Variants in KDELR1 observed in about 807,000 individuals in gnomAD.
KDELR1 encodes the protein KDEL endoplasmic reticulum protein retention receptor 1, also known as ER lumen protein-retaining receptor 1.
In KDELR1, 16 loss-of-function variants were observed where a neutral mutation model predicts 25.5. The ratio of observed to expected loss-of-function variants is 0.63; its 90% CI spans 0.43 to 0.95. The LOEUF (loss-of-function observed/expected upper bound fraction) is 0.95, where lower values mean the gene tolerates loss of function less well. KDELR1 is among the 40% of genes least tolerant of loss of function. KDELR1 has a pLI of 0.00. For missense variants in KDELR1, 159 were observed against 265.2 expected (o/e 0.60, Z 2.78); for synonymous variants, 121 against 115.0 (o/e 1.05, Z -0.33).
upstream of KDELR1, among the ~76,000 whole-genome samples, chr19:48,391,938 C>G (rs1468808379): frequency 6.6e-6 from 1 of 152,134 alleles, no homozygotes; most frequent in Non-Finnish European, 1.5e-5. Context: ...CCTACTTCCT[C>G]CCCTAGACCC....
upstream of KDELR1, among the ~76,000 whole-genome samples, chr19:48,391,910 G>C (rs1355087083): frequency 1.3e-5 from 2 of 152,104 alleles, no homozygotes; most frequent in Non-Finnish European, 2.9e-5. Flanking sequence ...TCCCCCAGAA[G>C]ACAAGAAAGA....
At chr19:48,387,431 C>T (rs1466499661) in intron 3 of KDELR1, among the ~76,000 whole-genome samples, 2 of 152,152 alleles carry the variant, frequency 1.3e-5, no homozygotes, top group East Asian at 3.9e-4. Context: ...GCCTGTAATC[C>T]TAGCACTTTG....
intron 1 of KDELR1, chr19:48,390,835 C>A: frequency 2.3e-6 from 1 of 434,274 alleles, no homozygotes; most frequent in East Asian, 4.7e-5. Flanking sequence ...CCCCTGGCCC[C>A]TCAGGGTCCT....
chr19:48,385,621 C>A (rs757375813), intron 3 of KDELR1, among the ~76,000 whole-genome samples: 1 of 152,212 alleles, frequency 6.6e-6, no homozygotes, highest in Non-Finnish European at 1.5e-5. Flanking sequence ...CAGTCCCCAG[C>A]TCCCTGAAAG....
intron 3 of KDELR1, among the ~76,000 whole-genome samples, chr19:48,388,910 AG>A (rs370989370): frequency 2.2e-5 from 2 of 89,036 alleles, no homozygotes; most frequent in African/African-American, 1.1e-4. Flanking sequence ...AAAGGAAGAA[AG>A]GAAAGAAAGA....
At position 48,390,514 on chromosome 19, in the gene KDELR1, C is replaced by G. The variant is rs1600959316; in HGVS notation, c.102G>C (p.Gly34=). The G allele has an allele frequency of 1.9e-6, 3 of 1,612,310 alleles. No homozygotes were observed. The South Asian group carries it at 3.3e-5, about 18-fold the overall frequency. The change falls in exon 2 of 5, where the codon GGG becomes GGC. Residue 34 remains glycine (G), a synonymous_variant. Coordinates refer to ENST00000330720, the MANE Select transcript of KDELR1 (RefSeq NM_006801.3). ...CCACAGCAAACAGGACCTGGCTCTTCCCTGAAATTCCTGTGGTCCAGAGAC... is the reference window on the plus strand; with the variant it reads ...CCACAGCAAACAGGACCTGGCTCTTGCCTGAAATTCCTGTGGTCCAGAGAC... ...WKSRSCAGIS[G]KSQVLFAVVF... is the part of the protein sequence containing the mutation.
At chr19:48,390,934 T>C (rs1030242058) in intron 1 of KDELR1, 9 of 463,300 alleles carry the variant, frequency 1.9e-5, no homozygotes, top group Non-Finnish European at 3.6e-5. Context: ...GTTCCCTTCC[T>C]GGCCGCCACG....
At chr19:48,386,447 AT>A (rs377642574) in intron 3 of KDELR1, among the ~76,000 whole-genome samples, 3,823 of 111,412 alleles carry the variant, frequency 0.034, 161 homozygotes, top group African/African-American at 0.11. Context: ...TGCTGTTTGA[AT>A]TTTTTTTTTT....
chr19:48,386,166 T>C (rs1177216131), intron 3 of KDELR1, among the ~76,000 whole-genome samples: 1 of 149,716 alleles, frequency 6.7e-6, no homozygotes, highest in African/African-American at 2.5e-5. Flanking sequence ...CAGGCTGGAG[T>C]GCAGTGGCGC....
chr19:48,390,997 C>T, intron 1 of KDELR1: 2 of 533,038 alleles, frequency 3.8e-6, no homozygotes, highest in Non-Finnish European at 6.7e-6. Flanking sequence ...TTCCCTGTTC[C>T]CGGTCCATGA....
At chr19:48,391,681 G>A, upstream of KDELR1, 1 of 394,150 alleles carries the variant, frequency 2.5e-6, no homozygotes, top group South Asian at 2.3e-5. Context: ...CACCCCCAAA[G>A]CTGCCCCATA....
At position 48,384,890 on chromosome 19, in the gene KDELR1, C is replaced by CTTTTTT. The variant is rs68111834; in HGVS notation, c.352-414_352-409dup. Among the ~76,000 whole-genome samples the CTTTTTT allele has an allele frequency of 1.4e-5, 2 of 140,262 alleles. No individual in the cohort carries two copies. Among genetic ancestry groups the CTTTTTT allele is most frequent in the African/African-American group, 2.6e-5 (1 of 37,910 alleles). The allele number at this position is 140,262 out of a possible 152,430, so 92.0% of individuals were successfully genotyped here. ...GAAATTTCCCTTCCTTTTTCTTTTT[C>CTTTTTT]TTTTTTTTTTTTTTGAGATGGAGTA... On this transcript the variant is annotated intron_variant, in intron 3 of 4. Coordinates refer to ENST00000330720, the MANE Select transcript of KDELR1 (RefSeq NM_006801.3). The surrounding 1 kb of genome is among the most constrained non-coding windows in gnomAD (Gnocchi z 4.6).
intron 2 of KDELR1, chr19:48,390,220 C>G (rs1323504542): frequency 3.9e-6 from 2 of 514,866 alleles, no homozygotes; most frequent in Admixed American, 6.8e-5. Flanking sequence ...AGTCCAGACC[C>G]CCAACCCCTC....
chr19:48,397,348 C>T, the KDELR1 span, among the ~76,000 whole-genome samples: 2 of 152,090 alleles, frequency 1.3e-5, no homozygotes, highest in Non-Finnish European at 2.9e-5. Flanking sequence ...CTTTTCCTCC[C>T]TTTTATTTCT....
intron 3 of KDELR1, among the ~76,000 whole-genome samples, chr19:48,388,683 G>T (rs1220901473): frequency 4.7e-5 from 7 of 147,778 alleles, no homozygotes; most frequent in Admixed American, 4.1e-4. Flanking sequence ...AGACTTTGTC[G>T]AAAGAGAAAG....
At chr19:48,389,748 C>T (rs748963128) in intron 2 of KDELR1, 37 bp from the exon 3 acceptor site, 2 of 1,610,730 alleles carry the variant, frequency 1.2e-6, no homozygotes, top group African/African-American at 1.3e-5. Flanking sequence ...CCTCAACTCA[C>T]AGGCCTGTGC....
upstream of KDELR1, among the ~76,000 whole-genome samples, chr19:48,395,620 G>A (rs1321169070): frequency 6.6e-6 from 1 of 151,976 alleles, no homozygotes; most frequent in Non-Finnish European, 1.5e-5. Context: ...GCTGTGGGGG[G>A]CAATGAAGAC....
At position 48,389,499 on chromosome 19, in the gene KDELR1, A is replaced by G. The variant is rs199749407; in HGVS notation, c.351+54T>C. The stretch of plus-strand genomic sequence containing the variant: ...AGCCTGTGAGAGGGTCTCCTGTCAT[A>G]GCTACTCTGCCACAACCATCCCCCC... On this transcript the variant is annotated intron_variant, in intron 3 of 4. Transcript: ENST00000330720. The G allele has an allele frequency of 8.0e-3, 12,905 of 1,604,896 alleles. 58 individuals carry two copies. The highest frequency in any genetic ancestry group is 9.7e-3 in the Non-Finnish European group (11,397 of 1,173,250).
chr19:48,393,930 C>T (rs991246692), upstream of KDELR1, among the ~76,000 whole-genome samples: 7 of 151,886 alleles, frequency 4.6e-5, no homozygotes, highest in Non-Finnish European at 8.8e-5. The surrounding 1 kb of genome is among the most constrained non-coding windows in gnomAD (Gnocchi z 5.6). Context: ...TGTCTGTAAG[C>T]GCTGCGGCGG....
Sources: allele counts gnomAD v4.1 joint callset (sites outside exome capture counted in the v4.1 genomes callset), GRCh38; gene constraint gnomAD v4.1.1; non-coding constraint Gnocchi (gnomAD v3.1); transcripts MANE v1.5; gene names NCBI Gene and HGNC (gene_info 2026-07-23, HGNC 2026-07-21).